The following BRINP3 variants were observed in gnomAD, a reference collection of about 807,000 sequenced individuals.
BRINP3 encodes BMP/retinoic acid-inducible neural-specific protein 3.
BRINP3 carries 19 observed loss-of-function variants against 71.0 expected under a neutral mutation model. That is an observed-to-expected ratio of 0.27 (90% CI 0.19 to 0.39). The LOEUF is 0.39. BRINP3 is among the 10% of genes least tolerant of loss of function. The pLI is 1.00. For missense variants in BRINP3, 959 were observed against 940.8 expected (o/e 1.02, Z -0.25); for synonymous variants, 380 against 337.7 (o/e 1.13, Z -1.37).
intron 7 of BRINP3, among the ~76,000 whole-genome samples, chr1:190,118,131 T>TAG (rs1553243265): frequency 3.3e-5 from 5 of 150,134 alleles, no homozygotes; most frequent in African/African-American, 1.2e-4. Context: ...TCCCAAATCA[T>TAG]ACACACACAC....
intron 2 of BRINP3, among the ~76,000 whole-genome samples, chr1:190,330,076 T>A (rs1258662522): frequency 6.6e-6 from 1 of 151,958 alleles, no homozygotes; most frequent in African/African-American, 2.4e-5. Context: ...TTTTCCATGT[T>A]ACAGAATTTA....
At chr1:190,249,001 C>T (rs1375304433) in intron 4 of BRINP3, among the ~76,000 whole-genome samples, 1 of 151,730 alleles carries the variant, frequency 6.6e-6, no homozygotes, top group African/African-American at 2.4e-5. Context: ...AGTGATTTTT[C>T]TAAAAGATAT....
At chr1:190,475,690 T>C (rs1267935399) in intron 1 of BRINP3, 1 of 152,208 alleles carries the variant, frequency 6.6e-6, no homozygotes, top group East Asian at 1.9e-4. Flanking sequence ...ACCCTCCAGT[T>C]AAAACGTTCT....
chr1:190,133,600 A>T (rs892528796), intron 7 of BRINP3, among the ~76,000 whole-genome samples: 3 of 152,130 alleles, frequency 2.0e-5, no homozygotes, highest in Non-Finnish European at 4.4e-5. Context: ...TTAAACATCA[A>T]ACAATATAGG....
At chr1:190,209,418 C>A (rs1412911715) in intron 6 of BRINP3, among the ~76,000 whole-genome samples, 3 of 152,186 alleles carry the variant, frequency 2.0e-5, no homozygotes, top group South Asian at 4.1e-4. Context: ...GCATATCATG[C>A]CTGCCAGGTT....
At chr1:190,428,269 C>T (rs1218858974) in intron 2 of BRINP3, among the ~76,000 whole-genome samples, 1 of 151,742 alleles carries the variant, frequency 6.6e-6, no homozygotes, top group Non-Finnish European at 1.5e-5. Context: ...TTGTTTTAAG[C>T]CATTAAGTTT....
chr1:190,321,538 GT>G (rs1359387887), intron 2 of BRINP3, among the ~76,000 whole-genome samples: 6 of 151,992 alleles, frequency 3.9e-5, no homozygotes, highest in Non-Finnish European at 7.4e-5. Flanking sequence ...TGTAATAAAT[GT>G]TTTATTAAGT....
intron 2 of BRINP3, among the ~76,000 whole-genome samples, chr1:190,383,141 T>G (rs527698269): frequency 9.2e-5 from 14 of 152,284 alleles, no homozygotes; most frequent in Admixed American, 2.6e-4. Context: ...GGAAAGTATC[T>G]AACTGGGTGC....
At chr1:190,241,961 T>A (rs1396524232) in intron 4 of BRINP3, among the ~76,000 whole-genome samples, 3 of 151,668 alleles carry the variant, frequency 2.0e-5, no homozygotes, top group African/African-American at 4.8e-5. Context: ...TTAAAGGTAA[T>A]TTTACCATTT....
At chr1:190,436,349 T>C (rs1432657800) in intron 2 of BRINP3, among the ~76,000 whole-genome samples, 1 of 151,828 alleles carries the variant, frequency 6.6e-6, no homozygotes, top group Non-Finnish European at 1.5e-5. Flanking sequence ...ATTAGTGTAA[T>C]GAACCAAACC....
chr1:190,376,329 T>C (rs761676838), intron 2 of BRINP3, among the ~76,000 whole-genome samples: 30 of 151,998 alleles, frequency 2.0e-4, no homozygotes, highest in Non-Finnish European at 3.8e-4. Flanking sequence ...GGAATGCACA[T>C]TTAAAAAATT....
At chr1:190,131,644 A>G (rs534548044) in intron 7 of BRINP3, among the ~76,000 whole-genome samples, 1 of 152,162 alleles carries the variant, frequency 6.6e-6, no homozygotes, top group South Asian at 2.1e-4. Context: ...ATTTTATACT[A>G]TCACCATTGT....
At chr1:190,388,367 G>A (rs1671046053) in intron 2 of BRINP3, among the ~76,000 whole-genome samples, 1 of 151,816 alleles carries the variant, frequency 6.6e-6, no homozygotes, top group African/African-American at 2.4e-5. Context: ...ACCTATGACT[G>A]TGACCTAATA....
intron 1 of BRINP3, among the ~76,000 whole-genome samples, chr1:190,460,978 A>T (rs1395121617): frequency 6.6e-6 from 1 of 152,170 alleles, no homozygotes. Flanking sequence ...GTATTACTGC[A>T]ATAGCTTCAT....
intron 4 of BRINP3, among the ~76,000 whole-genome samples, chr1:190,235,295 A>C (rs1169024649): frequency 6.6e-6 from 1 of 152,096 alleles, no homozygotes; most frequent in Non-Finnish European, 1.5e-5. Context: ...GGATAGTATT[A>C]GGAGATGAGG....
rs533177225 is a variant in BRINP3 at position 190,285,083 on chromosome 1, G to A, written c.237-3333C>T. The stretch of plus-strand genomic sequence containing the variant: ...CTCTCCACATTTGGTTTGTACTGTC[G>A]TGAAATATGATCACTGTTATAATCT... On this transcript the variant is annotated intron_variant, in intron 2 of 7. Coordinates refer to ENST00000367462, the MANE Select transcript of BRINP3 (RefSeq NM_199051.3). 1.3e-3 allele frequency among the ~76,000 whole-genome samples: 192 copies of A among 152,136 alleles called. 1 individual carries two copies. Among genetic ancestry groups the A allele is most frequent in the African/African-American group, 4.4e-3 (181 of 41,520 alleles).
At chr1:190,186,583 A>G (rs1653548710) in intron 6 of BRINP3, among the ~76,000 whole-genome samples, 1 of 152,188 alleles carries the variant, frequency 6.6e-6, no homozygotes, top group Admixed American at 6.5e-5. Flanking sequence ...CTTTCACAGT[A>G]TTCATTCATT....
At chr1:190,144,145 G>A (rs1291650897) in intron 7 of BRINP3, among the ~76,000 whole-genome samples, 1 of 152,066 alleles carries the variant, frequency 6.6e-6, no homozygotes, top group Non-Finnish European at 1.5e-5. Flanking sequence ...AAAATTACAG[G>A]AAATTTCAGT....
chr1:190,131,345 A>G (rs978257475), intron 7 of BRINP3, among the ~76,000 whole-genome samples: 1 of 151,972 alleles, frequency 6.6e-6, no homozygotes, highest in African/African-American at 2.4e-5. Context: ...CCAGTAATGT[A>G]TAATTTTCAA....
Sources: allele counts gnomAD v4.1 joint callset (sites outside exome capture counted in the v4.1 genomes callset), GRCh38; gene constraint gnomAD v4.1.1; transcripts MANE v1.5; gene names NCBI Gene and HGNC (gene_info 2026-07-23, HGNC 2026-07-21).